Variants in XRCC6 observed in about 807,000 individuals in gnomAD.
XRCC6 encodes the protein X-ray repair cross complementing 6.
XRCC6 carries 5 observed loss-of-function variants against 65.7 expected under a neutral mutation model. The observed-to-expected ratio is 0.08, with a 90% CI of 0.04 to 0.16. The LOEUF (loss-of-function observed/expected upper bound fraction) is 0.16, where lower values mean the gene tolerates loss of function less well. Among genes scored for constraint, XRCC6 ranks in the 10% least tolerant of loss-of-function variants. XRCC6 has a pLI of 1.00. For missense variants in XRCC6, 447 were observed against 738.1 expected (o/e 0.61, Z 4.57); for synonymous variants, 270 against 270.6 (o/e 1.00, Z 0.02).
chr22:41,640,533 A>G (rs2067864747), intron 6 of XRCC6, among the ~76,000 whole-genome samples: 1 of 151,996 alleles, frequency 6.6e-6, no homozygotes, highest in Non-Finnish European at 1.5e-5. Context: ...GTTCCTCCTC[A>G]AGCTTTCATT....
intron 2 of XRCC6, among the ~76,000 whole-genome samples, chr22:41,627,842 C>A (rs1401463624): frequency 2.0e-5 from 3 of 151,842 alleles, no homozygotes; most frequent in African/African-American, 2.4e-5. Context: ...TCACTGCACT[C>A]CAGCCTGGGT....
intron 8 of XRCC6, among the ~76,000 whole-genome samples, chr22:41,652,220 G>A (rs1475875233): frequency 1.4e-5 from 2 of 146,380 alleles, no homozygotes; most frequent in African/African-American, 4.9e-5. Flanking sequence ...CCTTGCCGTT[G>A]TGTTTATTTG....
rs369839566 is a variant in XRCC6 at position 41,650,762 on chromosome 22, A to G, written c.1000A>G (p.Thr334Ala). The G allele has an allele frequency of 1.1e-4, 182 of 1,613,706 alleles. No homozygotes were observed. The highest frequency in any genetic ancestry group is 1.5e-4 in the Non-Finnish European group (177 of 1,179,850). Residue 334 changes from threonine (T) to alanine (A), a missense_variant, in exon 8 of 13, where the codon ACA (threonine) becomes GCA (alanine). Thr to Ala is a moderately conservative substitution (Grantham distance 58). This residue lies in a region of XRCC6 where 201 missense variants were observed against 374.1 expected (regional missense o/e 0.54). Coordinates refer to ENST00000360079, the MANE Select transcript of XRCC6 (RefSeq NM_001469.5). ...TCAGATTATACTGGAGAAAGAGGAA[A>G]CAGAAGAGCTAAAACGGTTTGATGA... ...SRQIILEKEE[T>A]EELKRFDDPG...
At chr22:41,649,662 G>A (rs1211213222) in intron 7 of XRCC6, among the ~76,000 whole-genome samples, 2 of 151,516 alleles carry the variant, frequency 1.3e-5, no homozygotes, top group African/African-American at 4.9e-5. Flanking sequence ...AGACCATCCC[G>A]GCTAACACAG....
intron 3 of XRCC6, among the ~76,000 whole-genome samples, chr22:41,629,918 G>A (rs571785080): frequency 1.3e-5 from 2 of 150,976 alleles, no homozygotes; most frequent in South Asian, 2.1e-4. Flanking sequence ...CGCCTGCCTC[G>A]GCCTCCCAAA....
intron 6 of XRCC6, among the ~76,000 whole-genome samples, chr22:41,644,588 C>G (rs2067912091): frequency 6.6e-6 from 1 of 152,086 alleles, no homozygotes; most frequent in South Asian, 2.1e-4. Context: ...TGGGTTCAAG[C>G]AATTCTCCTG....
chr22:41,625,989 C>A (rs2067665749), intron 2 of XRCC6, among the ~76,000 whole-genome samples: 1 of 152,104 alleles, frequency 6.6e-6, no homozygotes, highest in African/African-American at 2.4e-5. Context: ...TAGGCATGCG[C>A]CACCACACAC....
Position 41,632,770 on chromosome 22 carries a change from C to A in XRCC6, c.196-3343C>A, listed in dbSNP as rs1014407018. Among the ~76,000 whole-genome samples the A allele has an allele frequency of 1.4e-4, 21 of 150,612 alleles. 1 individual carries two copies. Among genetic ancestry groups the A allele is most frequent in the Admixed American group, 1.4e-3 (21 of 15,112 alleles). ...CCCAGGAGTTTGAGGCTGCACTGAG[C>A]TATGATTGTGCCAGTGAACTCTAGC... On this transcript the variant is annotated intron_variant, in intron 3 of 12. Coordinates refer to ENST00000360079, the MANE Select transcript of XRCC6 (RefSeq NM_001469.5).
chr22:41,622,683 G>A (rs777671376), intron 2 of XRCC6, among the ~76,000 whole-genome samples: 1 of 152,254 alleles, frequency 6.6e-6, no homozygotes, highest in East Asian at 1.9e-4. Context: ...TCTCAAGCCT[G>A]TAATCCCAGC....
intron 2 of XRCC6, among the ~76,000 whole-genome samples, chr22:41,627,876 G>GA (rs973118597): frequency 1.3e-5 from 2 of 151,576 alleles, no homozygotes; most frequent in Admixed American, 6.6e-5. Flanking sequence ...CCCTATCTCA[G>GA]AAAAAAAAGT....
At chr22:41,626,093 C>A (rs2067667399) in intron 2 of XRCC6, among the ~76,000 whole-genome samples, 1 of 151,762 alleles carries the variant, frequency 6.6e-6, no homozygotes, top group Non-Finnish European at 1.5e-5. Flanking sequence ...ATGTCTCGGC[C>A]TCTGAAGGTG....
At chr22:41,657,392 A>G (rs1008537592) in intron 10 of XRCC6, among the ~76,000 whole-genome samples, 4 of 152,008 alleles carry the variant, frequency 2.6e-5, no homozygotes, top group African/African-American at 9.7e-5. Context: ...TGATTAAGTA[A>G]TTCAAGTCAT....
intron 2 of XRCC6, 81 bp from the exon 3 acceptor site, chr22:41,628,037 C>T (rs2147068736): frequency 1.1e-6 from 1 of 903,992 alleles, no homozygotes; most frequent in Non-Finnish European, 1.7e-6. Flanking sequence ...TTATACTTTC[C>T]TTTATGGCCT....
At chr22:41,622,377 C>A (rs1002542314) in intron 2 of XRCC6, among the ~76,000 whole-genome samples, 1 of 152,116 alleles carries the variant, frequency 6.6e-6, no homozygotes, top group East Asian at 1.9e-4. Flanking sequence ...TCAGGTGAGA[C>A]CCTTCTCATC....
At chr22:41,649,139 A>AAAATATATATATATATATATATAT in intron 7 of XRCC6, among the ~76,000 whole-genome samples, 23 of 88,684 alleles carry the variant, frequency 2.6e-4, no homozygotes, top group Admixed American at 5.2e-4. Flanking sequence ...AAAAAAAAAA[A>AAAATATATATATATATATATATAT]ATATATATAT....
At chr22:41,635,233 G>C (rs768082590) in intron 3 of XRCC6, among the ~76,000 whole-genome samples, 3 of 152,142 alleles carry the variant, frequency 2.0e-5, no homozygotes, top group Non-Finnish European at 2.9e-5. Flanking sequence ...TCATTCACAT[G>C]GCTTCAATGT....
intron 2 of XRCC6, among the ~76,000 whole-genome samples, chr22:41,624,946 G>A (rs556407096): frequency 2.6e-5 from 4 of 151,784 alleles, no homozygotes; most frequent in South Asian, 2.1e-4. Context: ...GTAGTGAGCC[G>A]AGATTGCGCC....
chr22:41,638,632 A>T lies in XRCC6; in HGVS notation c.773+841A>T, dbSNP rs994004172. 7.2e-5 allele frequency among the ~76,000 whole-genome samples: 11 copies of T among 152,224 alleles called. No individual in the cohort carries two copies. The East Asian group carries it at 2.1e-3, about 29-fold the overall frequency. On this transcript the variant is annotated intron_variant, in intron 6 of 12. Transcript: ENST00000360079. ...AACCTTGTTCTCTACTAAAGATACAAAAATTAGCTGGACGTGATGGCGCGC... is the reference window on the plus strand; with the variant it reads ...AACCTTGTTCTCTACTAAAGATACATAAATTAGCTGGACGTGATGGCGCGC...
intron 2 of XRCC6, among the ~76,000 whole-genome samples, chr22:41,622,982 A>T (rs982272824): frequency 6.6e-6 from 1 of 152,012 alleles, no homozygotes; most frequent in African/African-American, 2.4e-5. Flanking sequence ...AAATACAAAA[A>T]AGAAAAAAAT....
Sources: allele counts gnomAD v4.1 joint callset (sites outside exome capture counted in the v4.1 genomes callset), GRCh38; gene constraint gnomAD v4.1.1; regional missense constraint gnomAD v4.1.1; transcripts MANE v1.5; gene names NCBI Gene and HGNC (gene_info 2026-07-23, HGNC 2026-07-21).